The following CSMD2 variants were observed in gnomAD, a reference collection of about 807,000 sequenced individuals.
CSMD2 encodes the protein CUB and Sushi multiple domains 2.
In CSMD2, 130 loss-of-function variants were observed where a neutral mutation model predicts 398.5. That is an observed-to-expected ratio of 0.33 (90% CI 0.28 to 0.38). CSMD2 has a LOEUF of 0.38. Among genes scored for constraint, CSMD2 ranks in the 10% least tolerant of loss-of-function variants. The pLI is 1.00. For missense variants in CSMD2, 3,829 were observed against 4,764.9 expected (o/e 0.80, Z 5.78); for synonymous variants, 1,828 against 1,908.5 (o/e 0.96, Z 1.10).
chr1:33,558,483 A>G (rs935792139), intron 54 of CSMD2, among the ~76,000 whole-genome samples: 4 of 152,262 alleles, frequency 2.6e-5, no homozygotes. Flanking sequence ...TTTTAGAATA[A>G]TGACAACATT....
At chr1:34,076,926 A>ATAT (rs1412247103) in intron 2 of CSMD2, among the ~76,000 whole-genome samples, 1 of 97,194 alleles carries the variant, frequency 1.0e-5, no homozygotes, top group Non-Finnish European at 2.0e-5. Flanking sequence ...AAAAAAAAAA[A>ATAT]AAATATATAT....
chr1:34,029,691 C>A (rs1650164947), intron 3 of CSMD2, among the ~76,000 whole-genome samples: 1 of 152,234 alleles, frequency 6.6e-6, no homozygotes, highest in Non-Finnish European at 1.5e-5. Flanking sequence ...CCATGCAGTA[C>A]AAAACAGCCA....
intron 2 of CSMD2, among the ~76,000 whole-genome samples, chr1:34,056,674 T>C (rs984733998): frequency 4.6e-5 from 7 of 151,884 alleles, no homozygotes; most frequent in South Asian, 4.2e-4. Context: ...TAAGTGCTCA[T>C]AGCTATTACA....
intron 19 of CSMD2, among the ~76,000 whole-genome samples, chr1:33,717,069 A>G (rs1646195840): frequency 6.6e-6 from 1 of 152,134 alleles, no homozygotes; most frequent in Non-Finnish European, 1.5e-5. Context: ...ATGCACAGGA[A>G]TTAACCAGGT....
At chr1:33,682,146 G>T (rs151315512) in intron 25 of CSMD2, among the ~76,000 whole-genome samples, 261 of 152,238 alleles carry the variant, frequency 1.7e-3, no homozygotes, top group African/African-American at 6.1e-3. Flanking sequence ...GCTGGCATTC[G>T]TTGGCTTATG....
chr1:33,816,558 C>G (rs904811964), intron 9 of CSMD2, among the ~76,000 whole-genome samples: 2 of 152,146 alleles, frequency 1.3e-5, no homozygotes, highest in Non-Finnish European at 2.9e-5. Flanking sequence ...GAATATTGGG[C>G]TCCATATGTA....
chr1:33,790,906 A>G (rs1654227223), intron 11 of CSMD2, among the ~76,000 whole-genome samples: 1 of 152,198 alleles, frequency 6.6e-6, no homozygotes, highest in African/African-American at 2.4e-5. Context: ...TCACTAATAC[A>G]GTGAATTAGG....
At chr1:33,788,094 A>C (rs770091299) in intron 12 of CSMD2, among the ~76,000 whole-genome samples, 2 of 152,122 alleles carry the variant, frequency 1.3e-5, no homozygotes, top group African/African-American at 2.4e-5. Flanking sequence ...CTAGCATTTT[A>C]AGTGTTTTAT....
At chr1:34,134,157 T>C (rs201110855) in intron 1 of CSMD2, among the ~76,000 whole-genome samples, 6 of 151,640 alleles carry the variant, frequency 4.0e-5, no homozygotes, top group Non-Finnish European at 7.4e-5. Flanking sequence ...GCTTGTGGTC[T>C]CCATGGTTCT....
chr1:33,787,538 C>T (rs948786436), intron 12 of CSMD2, among the ~76,000 whole-genome samples: 11 of 152,220 alleles, frequency 7.2e-5, no homozygotes, highest in Non-Finnish European at 1.5e-4. Flanking sequence ...GCTCCCTTCT[C>T]TGTGCTCCCA....
intron 3 of CSMD2, among the ~76,000 whole-genome samples, chr1:33,994,314 C>T (rs1346255189): frequency 1.3e-5 from 2 of 152,016 alleles, no homozygotes; most frequent in Non-Finnish European, 2.9e-5. Context: ...GAGTGACAGG[C>T]AGGCAAATTT....
intron 1 of CSMD2, among the ~76,000 whole-genome samples, chr1:34,131,636 C>T (rs377682755): frequency 5.3e-5 from 8 of 152,310 alleles, no homozygotes; most frequent in African/African-American, 1.7e-4. Flanking sequence ...TGACACCCAT[C>T]CACAGCCTCC....
At chr1:33,937,606 T>TC (rs1298395416) in intron 3 of CSMD2, among the ~76,000 whole-genome samples, 1 of 152,062 alleles carries the variant, frequency 6.6e-6, no homozygotes, top group African/African-American at 2.4e-5. Context: ...AGGTATTCCC[T>TC]CCCCCTTCCT....
intron 46 of CSMD2, among the ~76,000 whole-genome samples, chr1:33,585,110 T>A (rs1159817387): frequency 2.0e-5 from 3 of 152,220 alleles, no homozygotes; most frequent in Non-Finnish European, 4.4e-5. Flanking sequence ...CTTCAGTACA[T>A]TGTTCTTTCA....
intron 5 of CSMD2, among the ~76,000 whole-genome samples, chr1:33,872,072 T>C (rs182283085): frequency 6.6e-6 from 1 of 152,190 alleles, no homozygotes; most frequent in South Asian, 2.1e-4. Context: ...CACATGACAT[T>C]TGGGGGACCC....
chr1:33,597,775 A>G (rs1639936330), intron 44 of CSMD2, among the ~76,000 whole-genome samples: 1 of 152,262 alleles, frequency 6.6e-6, no homozygotes, highest in African/African-American at 2.4e-5. Flanking sequence ...ACCCTTGTAC[A>G]TGTTCACAAT....
At chr1:33,672,568 C>T (rs904332235) in intron 25 of CSMD2, among the ~76,000 whole-genome samples, 1 of 152,220 alleles carries the variant, frequency 6.6e-6, no homozygotes, top group Non-Finnish European at 1.5e-5. Flanking sequence ...GCGGCAGTAA[C>T]CTCTGCAGAC....
chr1:33,914,164 G>C (rs1362582252), intron 5 of CSMD2, among the ~76,000 whole-genome samples: 4 of 152,172 alleles, frequency 2.6e-5, no homozygotes, highest in Non-Finnish European at 5.9e-5. Context: ...TCAGAGCCAA[G>C]TGACTGGGTC....
intron 5 of CSMD2, among the ~76,000 whole-genome samples, chr1:33,901,283 T>A (rs1048133584): frequency 6.6e-6 from 1 of 152,202 alleles, no homozygotes; most frequent in African/African-American, 2.4e-5. Flanking sequence ...CATATGCTTT[T>A]CCCTTTGATG....
Sources: allele counts gnomAD v4.1 joint callset (sites outside exome capture counted in the v4.1 genomes callset), GRCh38; gene constraint gnomAD v4.1.1; transcripts MANE v1.5; gene names NCBI Gene and HGNC (gene_info 2026-07-23, HGNC 2026-07-21).